Variants in KY observed in about 807,000 individuals in gnomAD.
The protein encoded by KY is kyphoscoliosis peptidase.
Under a neutral mutation model 76.1 loss-of-function variants are expected in KY, and 43 were observed. The ratio of observed to expected loss-of-function variants is 0.57; its 90% CI spans 0.44 to 0.73. The LOEUF is 0.73. KY is among the 30% of genes least tolerant of loss of function. The pLI, the probability that KY is intolerant of heterozygous loss-of-function variation, is 0.00. For missense variants in KY, 722 were observed against 828.9 expected, an observed-to-expected ratio of 0.87 and a Z score of 1.58; for synonymous variants, 277 against 326.2, an observed-to-expected ratio of 0.85 and a Z score of 1.63.
intron 10 of KY, chr3:134,607,286 C>T (rs1959353213): frequency 1.0e-6 from 1 of 985,402 alleles, no homozygotes; most frequent in South Asian, 4.7e-5. Flanking sequence ...TGCAAGAGCT[C>T]AGCAACTTGG....
At chr3:134,650,449 G>C (rs533096447) in intron 1 of KY, among the ~76,000 whole-genome samples, 10 of 152,258 alleles carry the variant, frequency 6.6e-5, no homozygotes, top group East Asian at 3.9e-4. Flanking sequence ...GTGTGCTGTG[G>C]GGGGGAGCAG....
At chr3:134,650,288 C>T (rs566064567) in intron 1 of KY, among the ~76,000 whole-genome samples, 4 of 152,214 alleles carry the variant, frequency 2.6e-5, no homozygotes, top group Non-Finnish European at 4.4e-5. Flanking sequence ...GTTCCTTTTA[C>T]GCCTTTCATG....
At chr3:134,650,451 G>C (rs1056571717) in intron 1 of KY, among the ~76,000 whole-genome samples, 8 of 152,190 alleles carry the variant, frequency 5.3e-5, no homozygotes, top group Admixed American at 5.2e-4. Flanking sequence ...GTGCTGTGGG[G>C]GGGAGCAGGC....
chr3:134,603,726 G>A lies in KY; in HGVS notation c.1839C>T (p.Asp613=). ...CGTGGTTCAGGGTCAGGGGCCATGT[G>A]TCCTGCCCCTTCACCAGGACTTTGG... ...GIAKVLVKGQ[D]TWPLTLNHEG... The change falls in exon 11 of 11, where the codon GAC becomes GAT. Residue 613 remains aspartate, a synonymous_variant. Transcript: ENST00000423778. 6.2e-7 allele frequency: 1 copy of A among 1,613,432 alleles called. No homozygotes were observed. Among genetic ancestry groups the A allele is most frequent in the Admixed American group, 1.7e-5 (1 of 59,974 alleles).
intron 9 of KY, 41 bp downstream of exon 9, chr3:134,610,154 C>T: frequency 6.3e-7 from 1 of 1,581,312 alleles, no homozygotes; most frequent in East Asian, 2.2e-5. Context: ...TCCTCCACTT[C>T]CACCTGCCAG....
At chr3:134,608,875 A>C (rs750041370) in intron 9 of KY, 36 bp from the exon 10 acceptor site, 6 of 1,579,190 alleles carry the variant, frequency 3.8e-6, no homozygotes, top group Non-Finnish European at 5.2e-6. Context: ...AGCCAGCTCC[A>C]TGCAGGGGAG....
chr3:134,614,095 G>A (rs1272928438), intron 8 of KY, among the ~76,000 whole-genome samples: 1 of 152,142 alleles, frequency 6.6e-6, no homozygotes, highest in Non-Finnish European at 1.5e-5. Context: ...ACTGTCACTG[G>A]AACTGTCTCC....
intron 4 of KY, chr3:134,628,110 G>A (rs1963712181): frequency 2.4e-6 from 1 of 418,120 alleles, no homozygotes; most frequent in Non-Finnish European, 4.4e-6. Flanking sequence ...TGATTCATTG[G>A]GTCCTCCTGG....
chr3:134,604,146 G>A lies in KY; in HGVS notation c.1419C>T (p.Ile473=). 2 of 1,608,356 alleles carry A rather than the reference G, an allele frequency of 1.2e-6. No homozygotes were observed. Among genetic ancestry groups the A allele is most frequent in the East Asian group, 2.2e-5 (1 of 44,696 alleles). Residue 473 remains isoleucine, a synonymous_variant, in exon 11 of 11, where the codon ATC becomes ATT. Coordinates refer to ENST00000423778, the MANE Select transcript of KY (RefSeq NM_178554.6). Reference sequence around the variant, plus strand: ...TGGAGCAGCGCCCGTCGCTGGTGTGGATGATAGGGTCAGGGTGGGAGGGCT... The same window carrying A: ...TGGAGCAGCGCCCGTCGCTGGTGTGAATGATAGGGTCAGGGTGGGAGGGCT... ...IMKPSHPDPI[I]HTSDGRCSIS...
At position 134,602,682 on chromosome 3, in the gene KY, G is replaced by A. The variant is rs1032909346; in HGVS notation, c.*897C>T. Among the ~76,000 whole-genome samples the A allele has an allele frequency of 2.6e-5, 4 of 152,168 alleles. No individual in the cohort carries two copies. The highest frequency in any genetic ancestry group is 2.1e-4 in the South Asian group (1 of 4,832). ...GCCTCTGGAGGCTCTCTGTGGAGGT[G>A]GGGCAGGGGCCTGAGGCCCAGGCTC... On this transcript the variant is annotated 3_prime_UTR_variant, in exon 11 of 11. Coordinates refer to ENST00000423778, the MANE Select transcript of KY (RefSeq NM_178554.6).
intron 8 of KY, among the ~76,000 whole-genome samples, chr3:134,615,697 C>T (rs1051592756): frequency 1.1e-4 from 16 of 150,526 alleles, no homozygotes; most frequent in Non-Finnish European, 5.9e-5. Context: ...CTTTCAGAGG[C>T]CTTATACACC....
rs147088322 is a variant in KY at position 134,611,477 on chromosome 3, C to T, written c.711-1094G>A. ...GCAGACAATTTCACTGCTAGTCTGA[C>T]CTAGGGACATCCCATGCTAGCCCTC... On this transcript the variant is annotated intron_variant, in intron 8 of 10. Transcript: ENST00000423778. Among the ~76,000 whole-genome samples the T allele has an allele frequency of 5.3e-5, 8 of 152,328 alleles. No homozygotes were observed. In the East Asian group the frequency reaches 1.5e-3, roughly 29 times the overall value.
At chr3:134,609,784 C>G (rs988408428) in intron 9 of KY, among the ~76,000 whole-genome samples, 1 of 152,136 alleles carries the variant, frequency 6.6e-6, no homozygotes, top group African/African-American at 2.4e-5. Flanking sequence ...GGAGAAGGAG[C>G]CTGGTGTCTG....
At position 134,650,987 on chromosome 3, in the gene KY, G is replaced by C; in HGVS notation, c.-27C>G. On this transcript the variant is annotated 5_prime_UTR_variant, in exon 1 of 11. Transcript: ENST00000423778. ...ATGCCGCCTCCTTTCCGACCTGGGC[G>C]CCGCGGCCGCACGCTAGGCTGCTTG... is the stretch of plus-strand genomic sequence containing the variant. 1 of 1,612,460 alleles carries C rather than the reference G, an allele frequency of 6.2e-7. No homozygotes were observed. Among genetic ancestry groups the C allele is most frequent in the Non-Finnish European group, 8.5e-7 (1 of 1,179,184 alleles).
At chr3:134,648,113 TC>T (rs1966652147) in intron 1 of KY, among the ~76,000 whole-genome samples, 2 of 152,230 alleles carry the variant, frequency 1.3e-5, no homozygotes, top group Admixed American at 1.3e-4. Flanking sequence ...AAGGTCGAGT[TC>T]CTGGCACAGC....
chr3:134,642,848 C>T (rs1965930276), intron 3 of KY, among the ~76,000 whole-genome samples: 1 of 152,152 alleles, frequency 6.6e-6, no homozygotes, highest in Admixed American at 6.5e-5. Flanking sequence ...TCTTGCTGGC[C>T]ATGTGATCTT....
intron 3 of KY, among the ~76,000 whole-genome samples, chr3:134,630,857 C>A (rs1168201649): frequency 1.3e-5 from 2 of 151,998 alleles, no homozygotes; most frequent in African/African-American, 2.4e-5. Context: ...CAAGTAATAG[C>A]AAACAGTTTT....
Position 134,603,964 on chromosome 3 carries a change from G to A in KY, c.1601C>T (p.Ala534Val). ...CCTCTTCTTGACAAAGATCTTGAGGGCAAACTTGCCTGCATGGGGCAGCTG... is the reference window on the plus strand; with the variant it reads ...CCTCTTCTTGACAAAGATCTTGAGGACAAACTTGCCTGCATGGGGCAGCTG... ...KVQLPHAGKF[A>V]LKIFVKKRQE... Residue 534 changes from alanine to valine, a missense_variant, in exon 11 of 11, where the codon GCC becomes GTC. By Grantham distance (64) the Ala-to-Val change is moderately conservative (BLOSUM62 0). This residue lies in a region of KY where 552 missense variants were observed against 680.9 expected (regional missense o/e 0.81). Coordinates refer to ENST00000423778, the MANE Select transcript of KY (RefSeq NM_178554.6). 6.2e-7 allele frequency: 1 copy of A among 1,613,916 alleles called. No individual in the cohort carries two copies. Among genetic ancestry groups the A allele is most frequent in the South Asian group, 1.1e-5 (1 of 91,076 alleles).
Position 134,650,823 on chromosome 3 carries a change from AC to A in KY, c.136+1del. 1 of 1,581,590 alleles carries A rather than the reference AC, an allele frequency of 6.3e-7. No homozygotes were observed. The highest frequency in any genetic ancestry group is 8.6e-7 in the Non-Finnish European group (1 of 1,161,912). On this transcript the variant is annotated splice_donor_variant, in intron 1 of 10. Transcript: ENST00000423778. LOFTEE classifies it high-confidence loss of function. ...CGGGGACCCGGGTCGGGCGCGCGTT[AC>A]CTCCTCCGCGCTGCAGCAGCGAGCT... is the stretch of plus-strand genomic sequence containing the variant.
Sources: allele counts gnomAD v4.1 joint callset (sites outside exome capture counted in the v4.1 genomes callset), GRCh38; gene constraint gnomAD v4.1.1; regional missense constraint gnomAD v4.1.1; transcripts MANE v1.5; gene names NCBI Gene and HGNC (gene_info 2026-07-23, HGNC 2026-07-21).